EPB41L2: variants seen among roughly 807,000 people sequenced by gnomAD.
EPB41L2 encodes the protein band 4.1-like protein 2.
A neutral mutation model predicts 113.0 loss-of-function variants in EPB41L2; 43 were observed. The observed-to-expected ratio is 0.38, with a 90% CI of 0.30 to 0.49. The LOEUF is 0.49. EPB41L2 is among the 20% of genes least tolerant of loss of function. EPB41L2 has a pLI of 0.95. For missense variants in EPB41L2, 1,147 were observed against 1,223.4 expected, an observed-to-expected ratio of 0.94 and a Z score of 0.93; for synonymous variants, 442 against 436.7, an observed-to-expected ratio of 1.01 and a Z score of -0.15.
intron 1 of EPB41L2, among the ~76,000 whole-genome samples, chr6:130,981,698 G>A (rs1043376923): frequency 1.3e-5 from 2 of 152,104 alleles, no homozygotes; most frequent in African/African-American, 4.8e-5. Context: ...ATAAAAGCCA[G>A]AAGCAGAGCT....
In EPB41L2 at chr6:130,840,277, T is replaced by G. The variant is rs1775067196; in HGVS notation, c.*327A>C. 6.6e-6 allele frequency: 1 copy of G among 152,504 alleles called. No individual in the cohort carries two copies. Among genetic ancestry groups the G allele is most frequent in the Admixed American group, 6.6e-5 (1 of 15,254 alleles). The allele number at this position is 152,504 out of a possible 1,614,324, so 9.4% of individuals were successfully genotyped here. A position where few individuals can be genotyped will look rare whatever the true frequency, so the allele number is the denominator to read the frequency against. ...TTTGTTCACTGTCATTTGATCAAAG[T>G]GAGTCATTAAAAGCAGGTAGTTGCA... On this transcript the variant is annotated 3_prime_UTR_variant, in exon 20 of 20. Coordinates refer to ENST00000337057, the MANE Select transcript of EPB41L2 (RefSeq NM_001431.4).
chr6:130,948,320 T>C (rs929809832), intron 3 of EPB41L2, among the ~76,000 whole-genome samples: 1 of 152,158 alleles, frequency 6.6e-6, no homozygotes, highest in African/African-American at 2.4e-5. Context: ...TAGTAGATCA[T>C]AGAAGGACTA....
At chr6:131,042,762 G>A (rs1396105542) in intron 1 of EPB41L2, among the ~76,000 whole-genome samples, 1 of 152,166 alleles carries the variant, frequency 6.6e-6, no homozygotes, top group African/African-American at 2.4e-5. Flanking sequence ...GAAAAATCAA[G>A]ACTGATTTTA....
rs537765261 is a variant in EPB41L2 at position 130,858,210 on chromosome 6, GCT to G, written c.2942_2943del (p.Glu981AlafsTer4). ...ALAQAIREAR[E>X]QHPDMSVTRV... The stretch of plus-strand genomic sequence containing the variant: ...CTTGTGACCGACATGTCAGGGTGCT[GCT>G]CTCTGGCTTCCCTGATCGCCTGAGC... On this transcript the variant is annotated frameshift_variant, in exon 19 of 20. Transcript: ENST00000337057. LOFTEE classifies it high-confidence loss of function. 3.5e-5 allele frequency: 56 copies of G among 1,613,514 alleles called. No individual in the cohort carries two copies. Among genetic ancestry groups the G allele is most frequent in the Non-Finnish European group, 4.5e-5 (53 of 1,179,748 alleles).
rs978901420 is a variant in EPB41L2, at chr6:130,914,174, T to G, written c.811-5311A>C. Among the ~76,000 whole-genome samples, 3 of 152,296 alleles carry G rather than the reference T, an allele frequency of 2.0e-5. No individual in the cohort carries two copies. In the South Asian group the frequency reaches 6.2e-4, roughly 32 times the overall value. Reference sequence around the variant, plus strand: ...CATCTACCTCATAGGGTAGTTCTTTTCAAACAATATTCAAGCCTGAAGAAT... The same window carrying G: ...CATCTACCTCATAGGGTAGTTCTTTGCAAACAATATTCAAGCCTGAAGAAT... On this transcript the variant is annotated intron_variant, in intron 4 of 19. Coordinates refer to ENST00000337057, the MANE Select transcript of EPB41L2 (RefSeq NM_001431.4).
In EPB41L2 at chr6:130,885,501, C is replaced by T. The variant is rs191179219; in HGVS notation, c.1661-233G>A. Among the ~76,000 whole-genome samples, 4 of 152,206 alleles carry T rather than the reference C, an allele frequency of 2.6e-5. No homozygotes were observed. The East Asian group carries it at 5.8e-4, about 22-fold the overall frequency. On this transcript the variant is annotated intron_variant, in intron 11 of 19. Coordinates refer to ENST00000337057, the MANE Select transcript of EPB41L2 (RefSeq NM_001431.4). The stretch of plus-strand genomic sequence containing the variant: ...CACTGAGCTACACCAGGGTCTCAAA[C>T]CACAGGTATTGGAAGGATAAACTCA...
At chr6:130,979,210 G>T (rs1430437997) in intron 1 of EPB41L2, among the ~76,000 whole-genome samples, 1 of 152,148 alleles carries the variant, frequency 6.6e-6, no homozygotes, top group Non-Finnish European at 1.5e-5. Context: ...GACTGGCCGG[G>T]TGTGGTGTTT....
chr6:130,899,471 C>A lies in EPB41L2; in HGVS notation c.1236+20G>T. On this transcript the variant is annotated intron_variant, in intron 8 of 19. Coordinates refer to ENST00000337057, the MANE Select transcript of EPB41L2 (RefSeq NM_001431.4). Reference sequence around the variant, plus strand: ...GTCAACAGACTACTATGATGCTACTCCCCGTTACATTTACAGTACCTTGGC... The same window carrying A: ...GTCAACAGACTACTATGATGCTACTACCCGTTACATTTACAGTACCTTGGC... The A allele has an allele frequency of 5.0e-6, 8 of 1,601,784 alleles. No homozygotes were observed. Among genetic ancestry groups the A allele is most frequent in the Non-Finnish European group, 6.0e-6 (7 of 1,168,964 alleles).
chr6:130,927,195 A>G lies in EPB41L2; in HGVS notation c.706-486T>C, dbSNP rs1335752296. ...TCTGTAGAATAGAATTTTATTTTCT[A>G]TATGAGCTATGCTCCTATTTACAAT... On this transcript the variant is annotated intron_variant, in intron 3 of 19. Transcript: ENST00000337057. 2.0e-5 allele frequency among the ~76,000 whole-genome samples: 3 copies of G among 152,304 alleles called. No individual in the cohort carries two copies. The East Asian group carries it at 5.8e-4, about 29-fold the overall frequency.
chr6:130,948,721 G>C (rs1189945866), intron 3 of EPB41L2, among the ~76,000 whole-genome samples: 1 of 152,132 alleles, frequency 6.6e-6, no homozygotes, highest in African/African-American at 2.4e-5. Context: ...AGGCAGAAGA[G>C]AGTCATGAGA....
intron 14 of EPB41L2, among the ~76,000 whole-genome samples, chr6:130,873,465 GGT>G (rs1562357122): frequency 2.7e-5 from 4 of 146,154 alleles, no homozygotes; most frequent in Non-Finnish European, 3.0e-5. Context: ...CCACTATTCA[GGT>G]TTTTTTTTTT....
chr6:130,845,333 C>G (rs1201791620), intron 19 of EPB41L2, among the ~76,000 whole-genome samples: 1 of 152,084 alleles, frequency 6.6e-6, no homozygotes, highest in Admixed American at 6.5e-5. Context: ...GGCAGCTCAG[C>G]CTACATAAGT....
intron 5 of EPB41L2, among the ~76,000 whole-genome samples, chr6:130,908,340 C>T (rs112913890): frequency 5.9e-5 from 9 of 152,220 alleles, no homozygotes; most frequent in African/African-American, 2.2e-4. Context: ...TGGCAGTGAC[C>T]TCAGAGAACT....
chr6:130,902,443 G>A (rs1562442385), intron 6 of EPB41L2, among the ~76,000 whole-genome samples: 1 of 152,180 alleles, frequency 6.6e-6, no homozygotes, highest in Non-Finnish European at 1.5e-5. Flanking sequence ...TTACTGGAGG[G>A]CTTGCCACAT....
At chr6:130,955,064 T>C (rs367789776) in intron 3 of EPB41L2, 41 bp downstream of exon 3, 2 of 1,554,686 alleles carry the variant, frequency 1.3e-6, no homozygotes, top group African/African-American at 2.7e-5. Context: ...CATGCCACAA[T>C]CCACATATCA....
intron 3 of EPB41L2, among the ~76,000 whole-genome samples, chr6:130,951,364 G>A (rs1044736243): frequency 1.2e-4 from 14 of 115,868 alleles, no homozygotes; most frequent in South Asian, 2.9e-4. Flanking sequence ...TCACTCTGTC[G>A]CCCAGGCTGA....
At chr6:130,979,268 T>C (rs895359886) in intron 1 of EPB41L2, among the ~76,000 whole-genome samples, 1 of 151,876 alleles carries the variant, frequency 6.6e-6, no homozygotes, top group Non-Finnish European at 1.5e-5. Flanking sequence ...GGTTGACCAC[T>C]TGAGGTCGGA....
intron 1 of EPB41L2, among the ~76,000 whole-genome samples, chr6:130,974,432 A>G (rs1777656597): frequency 6.6e-6 from 1 of 152,170 alleles, no homozygotes; most frequent in African/African-American, 2.4e-5. Flanking sequence ...GCTACTGCTC[A>G]GCTCCTCCCT....
intron 19 of EPB41L2, among the ~76,000 whole-genome samples, chr6:130,855,307 C>T (rs537800886): frequency 3.6e-4 from 55 of 151,938 alleles, no homozygotes; most frequent in African/African-American, 1.1e-3. Context: ...ACCGAGATTG[C>T]GCCACTGCAC....
Sources: gnomAD v4.1 joint callset for allele counts (sites outside exome capture counted in the v4.1 genomes callset) on GRCh38, gnomAD v4.1.1 for gene constraint, MANE v1.5 for transcripts, NCBI Gene and HGNC (gene_info 2026-07-23, HGNC 2026-07-21) for gene names.